Variants in MARCHF5 observed in about 807,000 individuals in gnomAD.
MARCHF5 encodes membrane associated ring-CH-type finger 5, also known as E3 ubiquitin-protein ligase MARCHF5.
A neutral mutation model predicts 36.5 loss-of-function variants in MARCHF5; 5 were observed. The ratio of observed to expected loss-of-function variants is 0.14; its 90% confidence interval spans 0.07 to 0.29. MARCHF5 has a LOEUF of 0.29. MARCHF5 is among the 10% of genes least tolerant of loss of function. The pLI, the probability that MARCHF5 is intolerant of heterozygous loss-of-function variation, is 1.00. For synonymous variants in MARCHF5, 103 were observed against 109.9 expected (o/e 0.94, Z 0.39); for missense variants, 179 against 336.3 (o/e 0.53, Z 3.66).
chr10:92,325,149 A>G (rs979386984), intron 2 of MARCHF5, among the ~76,000 whole-genome samples: 3 of 152,192 alleles, frequency 2.0e-5, no homozygotes, highest in African/African-American at 7.2e-5. Context: ...CCTGAGCAAC[A>G]TAGTGAGACC....
At chr10:92,342,121 G>A (rs1843587534) in intron 3 of MARCHF5, among the ~76,000 whole-genome samples, 1 of 150,884 alleles carries the variant, frequency 6.6e-6, no homozygotes, top group South Asian at 2.1e-4. Context: ...TTAGAATTAC[G>A]TTTGACTCTT....
chr10:92,311,274 A>G lies in MARCHF5; in HGVS notation c.175A>G (p.Ser59Gly), dbSNP rs1843141229. Residue 59 changes from serine to glycine, a missense_variant, in exon 2 of 6, where the codon AGT (serine) becomes GGT (glycine). Transcript: ENST00000358935. ...GGTGGATGAAAAGCAAAGAGGAAACAGTACAGCCAGAGTGGCATGTCCTCA... is the reference window on the plus strand; with the variant it reads ...GGTGGATGAAAAGCAAAGAGGAAACGGTACAGCCAGAGTGGCATGTCCTCA... ...RWVDEKQRGN[S>G]TARVACPQCN... The G allele has an allele frequency of 2.5e-6, 4 of 1,612,670 alleles. No homozygotes were observed. The highest frequency in any genetic ancestry group is 3.4e-6 in the Non-Finnish European group (4 of 1,179,218).
chr10:92,317,255 C>T (rs979240148), intron 2 of MARCHF5, among the ~76,000 whole-genome samples: 2 of 152,042 alleles, frequency 1.3e-5, no homozygotes, highest in African/African-American at 4.8e-5. Context: ...TGCGCCAGCA[C>T]GCCTGACTAA....
chr10:92,297,776 C>T (rs1210675332), intron 1 of MARCHF5, among the ~76,000 whole-genome samples: 1 of 152,206 alleles, frequency 6.6e-6, no homozygotes, highest in East Asian at 1.9e-4. Context: ...AGGCATGAGC[C>T]GCCACACCTG....
At chr10:92,305,385 CA>C (rs1453170685) in intron 1 of MARCHF5, among the ~76,000 whole-genome samples, 1 of 150,152 alleles carries the variant, frequency 6.7e-6, no homozygotes, top group Non-Finnish European at 1.5e-5. Flanking sequence ...CCAGCCTGGA[CA>C]ACAGAGCGAG....
intron 5 of MARCHF5, chr10:92,350,281 G>A (rs1843701680): frequency 6.4e-6 from 1 of 156,010 alleles, no homozygotes. Flanking sequence ...CATGTTGTTT[G>A]CTATTATTGT....
intron 2 of MARCHF5, among the ~76,000 whole-genome samples, chr10:92,312,757 A>C (rs1449627957): frequency 6.6e-6 from 1 of 152,250 alleles, no homozygotes; most frequent in Non-Finnish European, 1.5e-5. Flanking sequence ...TTATTACAAG[A>C]ATTCTCACTG....
intron 3 of MARCHF5, 106 bp downstream of exon 3, chr10:92,340,909 C>A: frequency 9.8e-7 from 1 of 1,021,134 alleles, no homozygotes; most frequent in Non-Finnish European, 1.4e-6. Context: ...AAATAACATT[C>A]TCATGTTCTT....
intron 1 of MARCHF5, among the ~76,000 whole-genome samples, chr10:92,305,407 C>CA (rs11415965): frequency 0.22 from 30,327 of 135,776 alleles, 3,853 homozygotes; most frequent in East Asian, 0.4. Context: ...ACTCCGTCTC[C>CA]AAAAAAAAAA....
At chr10:92,341,095 G>T (rs1326345901) in intron 3 of MARCHF5, among the ~76,000 whole-genome samples, 1 of 152,150 alleles carries the variant, frequency 6.6e-6, no homozygotes, top group Non-Finnish European at 1.5e-5. Context: ...CTTGTGGATA[G>T]ACGTTTAGTT....
At chr10:92,299,213 T>A (rs1842983517) in intron 1 of MARCHF5, among the ~76,000 whole-genome samples, 1 of 152,200 alleles carries the variant, frequency 6.6e-6, no homozygotes, top group South Asian at 2.1e-4. Context: ...AATTTTTCAC[T>A]TGGTCCAGTT....
At chr10:92,293,988 A>T (rs1466909745) in intron 1 of MARCHF5, among the ~76,000 whole-genome samples, 1 of 152,178 alleles carries the variant, frequency 6.6e-6, no homozygotes, top group Non-Finnish European at 1.5e-5. Context: ...TTGGCAACCT[A>T]CTTCCATGTT....
At chr10:92,331,643 G>A (rs1368622990) in intron 2 of MARCHF5, among the ~76,000 whole-genome samples, 2 of 151,632 alleles carry the variant, frequency 1.3e-5, no homozygotes, top group African/African-American at 4.8e-5. Context: ...TACAATAGAT[G>A]CTTAATAAGT....
intron 2 of MARCHF5, among the ~76,000 whole-genome samples, chr10:92,331,920 CATATATATGTATATATAATCGT>C (rs1590662045): frequency 1.8e-5 from 1 of 56,384 alleles, no homozygotes; most frequent in Admixed American, 2.5e-4. Flanking sequence ...TATATATAAT[CATATATATGTATATATAATCGT>C]ATATATATGT....
At chr10:92,349,886 G>C in intron 5 of MARCHF5, 49 bp downstream of exon 5, 5 of 1,485,984 alleles carry the variant, frequency 3.4e-6, no homozygotes, top group Non-Finnish European at 4.6e-6. Context: ...AGAGAATGAA[G>C]TGTATTTGTT....
At chr10:92,303,944 C>G (rs1057342499) in intron 1 of MARCHF5, among the ~76,000 whole-genome samples, 3 of 152,088 alleles carry the variant, frequency 2.0e-5, no homozygotes, top group Non-Finnish European at 4.4e-5. Flanking sequence ...TCTCCTTTTG[C>G]TTTGTAAATG....
chr10:92,333,605 A>G (rs775011557), intron 2 of MARCHF5: 57 of 972,920 alleles, frequency 5.9e-5, no homozygotes, highest in Non-Finnish European at 6.8e-5. Context: ...TAAAGTACTA[A>G]CATTATGCAC....
Position 92,351,081 on chromosome 10 carries a change from T to C in MARCHF5, c.721-10T>C. On this transcript the variant is annotated splice_polypyrimidine_tract_variant and intron_variant, in intron 5 of 5. Coordinates refer to ENST00000358935, the MANE Select transcript of MARCHF5 (RefSeq NM_017824.5). ...GCATTATAAAAAGCTAATTTTCCTT[T>C]TTATTTTAGGGTGGAATTGCGTTTG... 1.3e-6 allele frequency: 2 copies of C among 1,510,894 alleles called. No homozygotes were observed. The highest frequency in any genetic ancestry group is 2.3e-5 in the South Asian group (2 of 85,452). The allele number at this position is 1,510,894 out of a possible 1,614,324, so 93.6% of individuals were successfully genotyped here.
At chr10:92,345,849 C>T (rs1843637545) in intron 3 of MARCHF5, among the ~76,000 whole-genome samples, 2 of 151,912 alleles carry the variant, frequency 1.3e-5, no homozygotes, top group Non-Finnish European at 2.9e-5. Context: ...CACATGCCAC[C>T]ACGCCCTGCT....
Sources: gnomAD v4.1 joint callset for allele counts (sites outside exome capture counted in the v4.1 genomes callset) on GRCh38, gnomAD v4.1.1 for gene constraint, MANE v1.5 for transcripts, NCBI Gene and HGNC (gene_info 2026-07-23, HGNC 2026-07-21) for gene names.